PCDH9: variants seen among roughly 807,000 people sequenced by gnomAD.
The protein encoded by PCDH9 is protocadherin-9.
In PCDH9, 24 loss-of-function variants were observed where a neutral mutation model predicts 70.6. The ratio of observed to expected loss-of-function variants is 0.34; its 90% CI spans 0.25 to 0.48. The LOEUF is 0.48. Ranked by LOEUF, PCDH9 falls within the 20% of genes least tolerant of loss-of-function variation. The pLI is 0.99. For synonymous variants in PCDH9, 562 were observed against 558.5 expected (o/e 1.01, Z -0.09); for missense variants, 1,281 against 1,503.6 (o/e 0.85, Z 2.45).
chr13:66,809,681 G>A (rs1252946268), intron 3 of PCDH9, among the ~76,000 whole-genome samples: 2 of 152,126 alleles, frequency 1.3e-5, no homozygotes, highest in African/African-American at 4.8e-5. Context: ...TAATTTCAGT[G>A]CATTCCTTTG....
chr13:66,445,167 TATTA>T (rs1307400569), intron 4 of PCDH9, among the ~76,000 whole-genome samples: 1 of 147,086 alleles, frequency 6.8e-6, no homozygotes, highest in Non-Finnish European at 1.5e-5. Flanking sequence ...CTATATTATA[TATTA>T]TATATATATA....
intron 4 of PCDH9, among the ~76,000 whole-genome samples, chr13:66,521,321 T>C (rs932548556): frequency 6.6e-6 from 1 of 152,138 alleles, no homozygotes; most frequent in African/African-American, 2.4e-5. Flanking sequence ...TCAACATTTA[T>C]TTTCCTGCAC....
chr13:66,980,730 G>GTTTTTTTTTTCTTTTTTTTTT (rs2083730988), intron 2 of PCDH9, among the ~76,000 whole-genome samples: 1 of 70,872 alleles, frequency 1.4e-5, no homozygotes, highest in African/African-American at 5.3e-5. Flanking sequence ...TTTTTTCTTT[G>GTTTTTTTTTTCTTTTTTTTTT]TTTTTTTTTT....
intron 3 of PCDH9, among the ~76,000 whole-genome samples, chr13:66,724,920 G>A (rs2078986090): frequency 6.6e-6 from 1 of 151,892 alleles, no homozygotes; most frequent in Admixed American, 6.6e-5. Flanking sequence ...GTTCTTATTT[G>A]GGTAGTCATT....
chr13:66,969,744 TATACAC>T (rs2083487563), intron 2 of PCDH9, among the ~76,000 whole-genome samples: 1 of 152,032 alleles, frequency 6.6e-6, no homozygotes, highest in South Asian at 2.1e-4. Context: ...TTTTCACAGA[TATACAC>T]AGACTCAATT....
intron 2 of PCDH9, among the ~76,000 whole-genome samples, chr13:67,132,911 A>C (rs1310310927): frequency 1.3e-5 from 2 of 152,122 alleles, no homozygotes; most frequent in Non-Finnish European, 2.9e-5. Flanking sequence ...CAGAAAGCCT[A>C]TCCTGACTAC....
At chr13:66,776,384 T>C (rs1329316353) in intron 3 of PCDH9, among the ~76,000 whole-genome samples, 2 of 150,728 alleles carry the variant, frequency 1.3e-5, no homozygotes, top group African/African-American at 2.4e-5. Context: ...AAAACCCCAT[T>C]GTCTCAGCCC....
intron 4 of PCDH9, among the ~76,000 whole-genome samples, chr13:66,318,421 A>G (rs1408289948): frequency 6.6e-6 from 1 of 152,192 alleles, no homozygotes; most frequent in African/African-American, 2.4e-5. Flanking sequence ...TGCCATATTT[A>G]TCACAGACAA....
chr13:67,077,312 C>T (rs905657686), intron 2 of PCDH9, among the ~76,000 whole-genome samples: 5 of 152,152 alleles, frequency 3.3e-5, no homozygotes, highest in African/African-American at 1.2e-4. Flanking sequence ...AGGGCCTTTG[C>T]CCTTATTGAT....
At chr13:67,039,203 T>G (rs566770406) in intron 2 of PCDH9, among the ~76,000 whole-genome samples, 1 of 152,296 alleles carries the variant, frequency 6.6e-6, no homozygotes, top group East Asian at 1.9e-4. Flanking sequence ...AACAAGGTTG[T>G]GAGTTGTTTT....
At chr13:66,951,134 T>C (rs1438673930) in intron 2 of PCDH9, among the ~76,000 whole-genome samples, 1 of 152,186 alleles carries the variant, frequency 6.6e-6, no homozygotes, top group East Asian at 1.9e-4. Context: ...TACAAATAGA[T>C]CATTAACAAT....
At chr13:67,205,877 C>T (rs889604679) in intron 2 of PCDH9, 3 of 152,208 alleles carry the variant, frequency 2.0e-5, no homozygotes, top group Non-Finnish European at 2.9e-5. Context: ...ATGGCTCTCT[C>T]CAGTTCTCAG....
chr13:66,465,600 G>A (rs1958501675), intron 4 of PCDH9, among the ~76,000 whole-genome samples: 1 of 151,824 alleles, frequency 6.6e-6, no homozygotes, highest in Non-Finnish European at 1.5e-5. Context: ...ACTAACCACA[G>A]CATTTCAGAA....
intron 2 of PCDH9, chr13:67,222,394 TAG>T (rs1384729989): frequency 6.6e-6 from 1 of 151,840 alleles, no homozygotes; most frequent in African/African-American, 2.4e-5. Context: ...CTTTATAAAA[TAG>T]AGTGAATGAG....
chr13:66,430,564 T>C (rs1398272205), intron 4 of PCDH9, among the ~76,000 whole-genome samples: 1 of 151,996 alleles, frequency 6.6e-6, no homozygotes, highest in Non-Finnish European at 1.5e-5. Context: ...AGCAACCAGG[T>C]GTTGGCCCTG....
chr13:66,501,913 G>GA (rs1484701814), intron 4 of PCDH9, among the ~76,000 whole-genome samples: 8 of 152,140 alleles, frequency 5.3e-5, no homozygotes, highest in African/African-American at 9.7e-5. Flanking sequence ...AAAAGACTAA[G>GA]AGGGTGGGTA....
intron 2 of PCDH9, chr13:67,219,835 G>C (rs2089686024): frequency 6.6e-6 from 1 of 151,944 alleles, no homozygotes; most frequent in Admixed American, 6.6e-5. Flanking sequence ...AATATTAAGA[G>C]AGTAATTTCT....
intron 4 of PCDH9, among the ~76,000 whole-genome samples, chr13:66,450,901 C>A (rs1446973270): frequency 6.6e-6 from 1 of 152,134 alleles, no homozygotes; most frequent in Non-Finnish European, 1.5e-5. Context: ...CCTGTAGTCC[C>A]AGCTACTTGG....
intron 4 of PCDH9, among the ~76,000 whole-genome samples, chr13:66,529,879 TAAA>T (rs35230234): frequency 6.9e-6 from 1 of 143,888 alleles, no homozygotes; most frequent in Non-Finnish European, 1.5e-5. Flanking sequence ...ACCATGCTGT[TAAA>T]AAAAAAAAAG....
Sources: allele counts gnomAD v4.1 joint callset (sites outside exome capture counted in the v4.1 genomes callset), GRCh38; gene constraint gnomAD v4.1.1; transcripts MANE v1.5; gene names NCBI Gene and HGNC (gene_info 2026-07-23, HGNC 2026-07-21).